The following ZNF469 variants were observed in gnomAD, a reference collection of about 807,000 sequenced individuals.
The protein encoded by ZNF469 is zinc finger protein 469.
In ZNF469, 1 loss-of-function variant was observed where a neutral mutation model predicts 1.0. The ratio of observed to expected loss-of-function variants is 1.00; its 90% confidence interval spans 0.35 to 4.73. The LOEUF (loss-of-function observed/expected upper bound fraction) is 4.73, where lower values mean the gene tolerates loss of function less well. ZNF469 is among the 30% of genes most tolerant of loss of function. ZNF469 has a pLI of 0.16. For missense variants in ZNF469, 6,100 were observed against 5,356.3 expected, an observed-to-expected ratio of 1.14 and a Z score of -4.33; for synonymous variants, 2,703 against 2,363.4, an observed-to-expected ratio of 1.14 and a Z score of -4.17.
In ZNF469 at chr16:88,430,145, C is replaced by A; in HGVS notation, c.2675C>A (p.Thr892Asn). The A allele has an allele frequency of 1.3e-6, 2 of 1,550,130 alleles. No individual in the cohort carries two copies. Among genetic ancestry groups the A allele is most frequent in the Non-Finnish European group, 1.7e-6 (2 of 1,146,878 alleles). ...GHPLKSKAGV[T>N]PESKAPPPLP... ...CCCCTTAAGAGCAAGGCGGGGGTGA[C>A]TCCAGAGAGCAAAGCTCCGCCCCCG... The change falls in exon 3 of 3, where the codon ACT becomes AAT. Residue 892 changes from threonine to asparagine, a missense_variant. Thr to Asn is a moderately conservative substitution (Grantham distance 65). Coordinates refer to ENST00000565624, the MANE Select transcript of ZNF469 (RefSeq NM_001367624.2).
the ZNF469 span, among the ~76,000 whole-genome samples, chr16:88,182,021 C>T: frequency 8.5e-5 from 13 of 152,184 alleles, no homozygotes; most frequent in African/African-American, 2.9e-4. Flanking sequence ...AGAGCTTATA[C>T]ATTTAGCAAA....
chr16:88,179,131 A>G, the ZNF469 span, among the ~76,000 whole-genome samples: 1 of 152,032 alleles, frequency 6.6e-6, no homozygotes, highest in Non-Finnish European at 1.5e-5. Context: ...CCAGACCCGC[A>G]GTGTAAGCAT....
chr16:88,399,771 C>T (rs983580387), intron 1 of ZNF469, among the ~76,000 whole-genome samples: 6 of 152,258 alleles, frequency 3.9e-5, no homozygotes, highest in African/African-American at 1.2e-4. Context: ...ATGGAGCTCC[C>T]AGTCCTTCCT....
chr16:88,255,748 C>G, the ZNF469 span, among the ~76,000 whole-genome samples: 1 of 152,236 alleles, frequency 6.6e-6, no homozygotes, highest in Non-Finnish European at 1.5e-5. Flanking sequence ...CAGGAGTGCT[C>G]TGTCTTACAG....
At chr16:88,378,503 G>A (rs144024944), upstream of ZNF469, among the ~76,000 whole-genome samples, 147 of 152,298 alleles carry the variant, frequency 9.7e-4, no homozygotes, top group Middle Eastern at 3.4e-3. Flanking sequence ...CCCAGGAGCC[G>A]TCCTCAGGGA....
chr16:88,318,411 GCGGTGTCCTCTGCCC>G, the ZNF469 span, among the ~76,000 whole-genome samples: 1 of 140,020 alleles, frequency 7.1e-6, no homozygotes, highest in South Asian at 2.1e-4. Context: ...GGAAGAGCCA[GCGGTGTCCTCTGCCC>G]CAGCTGCATC....
the ZNF469 span, among the ~76,000 whole-genome samples, chr16:88,341,939 G>C: frequency 6.6e-6 from 1 of 152,196 alleles, no homozygotes; most frequent in Non-Finnish European, 1.5e-5. Context: ...TGCAGGTGTC[G>C]GGGCGGCCAG....
chr16:88,129,020 G>A, the ZNF469 span, among the ~76,000 whole-genome samples: 14 of 152,252 alleles, frequency 9.2e-5, no homozygotes, highest in African/African-American at 2.2e-4. Context: ...GAATGATGGC[G>A]CTGTGCTTAC....
At chr16:88,189,088 T>C in the ZNF469 span, among the ~76,000 whole-genome samples, 1 of 152,162 alleles carries the variant, frequency 6.6e-6, no homozygotes, top group East Asian at 1.9e-4. This position sits in a 1 kb window ranked among gnomAD's most constrained non-coding sequence, Gnocchi z 4.3. Flanking sequence ...ACATTGCTTA[T>C]ACACTGGCCT....
chr16:88,281,654 G>A, the ZNF469 span, among the ~76,000 whole-genome samples: 30 of 147,918 alleles, frequency 2.0e-4, no homozygotes, highest in Admixed American at 1.2e-3. Context: ...TGCTGATGTC[G>A]GTGCACAGGT....
At chr16:88,188,597 C>G in the ZNF469 span, among the ~76,000 whole-genome samples, 4 of 152,212 alleles carry the variant, frequency 2.6e-5, no homozygotes, top group African/African-American at 7.2e-5. Context: ...TCCCCAGGCA[C>G]CACTGCCAGG....
the ZNF469 span, among the ~76,000 whole-genome samples, chr16:88,206,436 C>A: frequency 6.8e-3 from 1,040 of 152,258 alleles, 6 homozygotes; most frequent in Non-Finnish European, 0.011. Context: ...TAAGAGCAAG[C>A]AGAGGCCCTT....
At chr16:88,254,448 G>A in the ZNF469 span, among the ~76,000 whole-genome samples, 1 of 152,116 alleles carries the variant, frequency 6.6e-6, no homozygotes, top group Non-Finnish European at 1.5e-5. Context: ...TCCTCTAATT[G>A]TGTTGTTCTC....
At chr16:88,154,975 A>G in the ZNF469 span, among the ~76,000 whole-genome samples, 1 of 152,184 alleles carries the variant, frequency 6.6e-6, no homozygotes, top group Non-Finnish European at 1.5e-5. Context: ...CCCGTGCTTT[A>G]ATGTGGACAT....
At chr16:88,311,669 G>A in the ZNF469 span, among the ~76,000 whole-genome samples, 22 of 152,310 alleles carry the variant, frequency 1.4e-4, no homozygotes, top group South Asian at 4.1e-4. Context: ...TCCCTGCAGC[G>A]TTGCAGAGAC....
the ZNF469 span, among the ~76,000 whole-genome samples, chr16:88,277,634 A>G: frequency 8.1e-5 from 12 of 148,542 alleles, 3 homozygotes; most frequent in African/African-American, 3.0e-4. Flanking sequence ...ATAGCAGTGC[A>G]TGGTTAGTGC....
chr16:88,266,960 C>G, the ZNF469 span, among the ~76,000 whole-genome samples: 1 of 152,142 alleles, frequency 6.6e-6, no homozygotes, highest in Non-Finnish European at 1.5e-5. Context: ...CCTCTGCAAA[C>G]TCATCCCAGC....
the ZNF469 span, among the ~76,000 whole-genome samples, chr16:88,160,615 C>G: frequency 6.6e-6 from 1 of 152,190 alleles, no homozygotes; most frequent in Non-Finnish European, 1.5e-5. Flanking sequence ...AACAACTTAG[C>G]TAAAATCTTC....
At chr16:88,165,075 T>A in the ZNF469 span, among the ~76,000 whole-genome samples, 323 of 152,348 alleles carry the variant, frequency 2.1e-3, 1 homozygote, top group Admixed American at 5.0e-3. Context: ...TGTGGGCAAG[T>A]GTGCCTTTCA....
Sources: gnomAD v4.1 joint callset for allele counts (sites outside exome capture counted in the v4.1 genomes callset) on GRCh38, gnomAD v4.1.1 for gene constraint, Gnocchi (gnomAD v3.1) non-coding constraint, MANE v1.5 for transcripts, NCBI Gene and HGNC (gene_info 2026-07-23, HGNC 2026-07-21) for gene names.